SEZ6: variants seen among roughly 807,000 people sequenced by gnomAD.
The protein encoded by SEZ6 is seizure related 6 homolog.
SEZ6 carries 53 observed loss-of-function variants against 101.0 expected under a neutral mutation model. The ratio of observed to expected loss-of-function variants is 0.52; its 90% CI spans 0.42 to 0.66. The LOEUF is 0.66. Ranked by LOEUF, SEZ6 falls within the 30% of genes least tolerant of loss-of-function variation. SEZ6 has a pLI of 0.00. For missense variants in SEZ6, 1,102 were observed against 1,289.4 expected (o/e 0.85, Z 2.23); for synonymous variants, 488 against 512.2 (o/e 0.95, Z 0.64).
intron 1 of SEZ6, among the ~76,000 whole-genome samples, chr17:28,985,973 C>T (rs1445763636): frequency 6.6e-6 from 1 of 152,152 alleles, no homozygotes; most frequent in East Asian, 1.9e-4. Flanking sequence ...GGGCTGCATT[C>T]TCCGAGTGGG....
chr17:28,995,109 G>C (rs1315581925), intron 1 of SEZ6, among the ~76,000 whole-genome samples: 1 of 151,830 alleles, frequency 6.6e-6, no homozygotes, highest in African/African-American at 2.4e-5. Flanking sequence ...TCCTGACCTC[G>C]TGACCCACCC....
In SEZ6 at chr17:28,955,139, T is replaced by A. The variant is rs542900489; in HGVS notation, c.*823A>T. The A allele has an allele frequency of 8.9e-5, 14 of 157,624 alleles. No individual in the cohort carries two copies. The highest frequency in any genetic ancestry group is 3.1e-4 in the African/African-American group (13 of 41,524). 9.8% of individuals were successfully genotyped at this position (157,624 alleles called of 1,614,324 possible). Reference sequence around the variant, plus strand: ...TCCAGAATATGCCCACCCCCTCCCCTTATCCCATAACACAGTGGTCAAGAG... The same window carrying A: ...TCCAGAATATGCCCACCCCCTCCCCATATCCCATAACACAGTGGTCAAGAG... On this transcript the variant is annotated 3_prime_UTR_variant, in exon 17 of 17. Coordinates refer to ENST00000317338, the MANE Select transcript of SEZ6 (RefSeq NM_178860.5).
intron 3 of SEZ6, among the ~76,000 whole-genome samples, chr17:28,970,648 G>A (rs1046652859): frequency 3.9e-5 from 6 of 152,162 alleles, no homozygotes; most frequent in African/African-American, 1.2e-4. Context: ...GATCACCGCA[G>A]CAGCCTCCTG....
At chr17:28,962,565 G>T (rs1243421731) in intron 5 of SEZ6, among the ~76,000 whole-genome samples, 2 of 151,256 alleles carry the variant, frequency 1.3e-5, no homozygotes, top group African/African-American at 4.9e-5. Flanking sequence ...GATCACCTGA[G>T]GTCAAGAGTT....
intron 1 of SEZ6, among the ~76,000 whole-genome samples, chr17:28,988,149 G>A (rs572377275): frequency 4.6e-5 from 7 of 152,262 alleles, no homozygotes; most frequent in Admixed American, 2.0e-4. Flanking sequence ...TTGCTCACGC[G>A]ATTCTCTCTC....
chr17:28,969,807 T>C lies in SEZ6; in HGVS notation c.1004A>G (p.Gln335Arg). Residue 335 changes from glutamine (Q) to arginine (R), a missense_variant, in exon 4 of 17, where the codon CAG (glutamine) becomes CGG (arginine). Around this residue, in one of 3 missense-constraint regions of SEZ6, gnomAD observed 556 missense variants for 735.1 expected, o/e 0.76. Coordinates refer to ENST00000317338, the MANE Select transcript of SEZ6 (RefSeq NM_178860.5). ...AGGGCCAGCCGGTGGCGGGAGGCTC[T>C]GGAACCTCAGGGCCGCTTGGTGGGT... The part of the protein sequence containing the change: ...SPTHQAALRF[Q>R]SLPPPAGPGT... 3 of 1,516,618 alleles carry C rather than the reference T, an allele frequency of 2.0e-6. No individual in the cohort carries two copies. Among genetic ancestry groups the C allele is most frequent in the Non-Finnish European group, 2.6e-6 (3 of 1,143,318 alleles). The allele number at this position is 1,516,618 out of a possible 1,614,324, so 93.9% of individuals were successfully genotyped here. A position where few individuals can be genotyped will look rare whatever the true frequency, so the allele number is the denominator to read the frequency against.
In SEZ6 at chr17:29,005,433, T is replaced by A. The variant is rs1386128233; in HGVS notation, c.55+382A>T. On this transcript the variant is annotated intron_variant, in intron 1 of 16. Transcript: ENST00000317338. The surrounding 1 kb of genome is among the most constrained non-coding windows in gnomAD (Gnocchi z 4.8). ...GGACCACGGGCCGCCAGCTGGACCG[T>A]CCCGACTCACTGCCTTGCGCCCCCC... Among the ~76,000 whole-genome samples the A allele has an allele frequency of 6.6e-6, 1 of 152,074 alleles. No individual in the cohort carries two copies. Among genetic ancestry groups the A allele is most frequent in the African/African-American group, 2.4e-5 (1 of 41,434 alleles).
chr17:28,968,893 G>A (rs1777427638), intron 4 of SEZ6, among the ~76,000 whole-genome samples: 1 of 152,178 alleles, frequency 6.6e-6, no homozygotes, highest in African/African-American at 2.4e-5. Flanking sequence ...AGAGGGGGAT[G>A]GGTAGGAGGG....
At chr17:29,002,392 C>G (rs961338708) in intron 1 of SEZ6, among the ~76,000 whole-genome samples, 1 of 152,184 alleles carries the variant, frequency 6.6e-6, no homozygotes, top group Non-Finnish European at 1.5e-5. Flanking sequence ...CCTTGCTCTC[C>G]ATTAGTGCCC....
chr17:28,959,650 A>G lies in SEZ6; in HGVS notation c.1771+48T>C. The G allele has an allele frequency of 4.5e-6, 7 of 1,547,642 alleles. No individual in the cohort carries two copies. The highest frequency in any genetic ancestry group is 6.1e-6 in the Non-Finnish European group (7 of 1,147,110). Reference sequence around the variant, plus strand: ...CGGGCTCTGCTGCTATTCTCCTGGTATGACCCTGCCTTTTGCCCGGTAGGC... The same window carrying G: ...CGGGCTCTGCTGCTATTCTCCTGGTGTGACCCTGCCTTTTGCCCGGTAGGC... On this transcript the variant is annotated intron_variant, in intron 8 of 16. Coordinates refer to ENST00000317338, the MANE Select transcript of SEZ6 (RefSeq NM_178860.5). The surrounding 1 kb of genome is among the most constrained non-coding windows in gnomAD (Gnocchi z 4.4).
chr17:28,963,995 G>C lies in SEZ6; in HGVS notation c.1207C>G (p.Pro403Ala), dbSNP rs1341813903. 6.2e-7 allele frequency: 1 copy of C among 1,612,378 alleles called. No individual in the cohort carries two copies. Residue 403 changes from proline to alanine, a missense_variant, in exon 5 of 17, where the codon CCC becomes GCC. By Grantham distance (27) the Pro-to-Ala change is conservative. Coordinates refer to ENST00000317338, the MANE Select transcript of SEZ6 (RefSeq NM_178860.5). ...RHLTCLNATQ[P>A]FWDSKEPVCI... The stretch of plus-strand genomic sequence containing the variant: ...ACGGGCTCCTTTGAATCCCAGAAGG[G>C]CTGGGTGGCATTGAGACAGGTGAGA...
intron 3 of SEZ6, among the ~76,000 whole-genome samples, chr17:28,973,144 C>T (rs987447820): frequency 1.3e-5 from 2 of 152,078 alleles, no homozygotes; most frequent in Non-Finnish European, 2.9e-5. Flanking sequence ...TTCATCCTCA[C>T]CGTGAATCTA....
At position 28,955,528 on chromosome 17, in the gene SEZ6, T is replaced by G. The variant is rs2152682373; in HGVS notation, c.*434A>C. 2.4e-6 allele frequency: 1 copy of G among 422,576 alleles called. No homozygotes were observed. The highest frequency in any genetic ancestry group is 2.0e-5 in the African/African-American group (1 of 49,786). The allele number at this position is 422,576 out of a possible 1,614,324, so 26.2% of individuals were successfully genotyped here. ...GTTTTGGCCATTGGTGATGGCGCTG[T>G]GAGGAGTACCCTGGTGCAGTTCCCA... On this transcript the variant is annotated 3_prime_UTR_variant, in exon 17 of 17. Transcript: ENST00000317338.
In SEZ6 at chr17:29,005,854, G is replaced by A. The variant is rs1477338395; in HGVS notation, c.16C>T (p.Leu6=). The A allele has an allele frequency of 6.8e-7, 1 of 1,479,356 alleles. No homozygotes were observed. The highest frequency in any genetic ancestry group is 2.2e-5 in the Admixed American group (1 of 46,474). The allele number at this position is 1,479,356 out of a possible 1,614,324, so 91.6% of individuals were successfully genotyped here. A position where few individuals can be genotyped will look rare whatever the true frequency, so the allele number is the denominator to read the frequency against. Residue 6 remains leucine, a synonymous_variant, in exon 1 of 17, where the codon CTG becomes TTG. Transcript: ENST00000317338. The surrounding 1 kb of genome is among the most constrained non-coding windows in gnomAD (Gnocchi z 4.8). MRPVA[L]LLLPSLLALL... ...GCCAGCAGCGAGGGCAGGAGCAGCA[G>A]GGCTACCGGGCGCATGGTGCTGGTT...
At chr17:28,975,927 G>C (rs1164304322) in intron 3 of SEZ6, among the ~76,000 whole-genome samples, 1 of 152,238 alleles carries the variant, frequency 6.6e-6, no homozygotes, top group East Asian at 1.9e-4. Flanking sequence ...AGAGAGGCAG[G>C]CGCCAGGCCC....
chr17:28,956,529 C>T, intron 14 of SEZ6, 62 bp from the exon 15 acceptor site: 1 of 1,516,130 alleles, frequency 6.6e-7, no homozygotes, highest in Non-Finnish European at 8.9e-7. Flanking sequence ...CATATTCTCT[C>T]ACCTCTGCCC....
In SEZ6 at chr17:28,958,111, A is replaced by G; in HGVS notation, c.2138T>C (p.Leu713Pro). The G allele has an allele frequency of 1.2e-6, 2 of 1,602,454 alleles. No homozygotes were observed. The highest frequency in any genetic ancestry group is 1.7e-6 in the Non-Finnish European group (2 of 1,170,284). The change falls in exon 11 of 17, where the codon CTG becomes CCG. Residue 713 changes from leucine (L) to proline (P), a missense_variant. This residue lies in a region of SEZ6 where 556 missense variants were observed against 735.1 expected (regional missense o/e 0.76). Transcript: ENST00000317338. The stretch of plus-strand genomic sequence containing the variant: ...CTTCCAGCCATTGGGGATCTCAGGC[A>G]GCTCCGGACATGTGTCATTGCGGGG... ...EVPRNDTCPE[L>P]PEIPNGWKSP...
At position 29,005,891 on chromosome 17, in the gene SEZ6, CT is replaced by C; in HGVS notation, c.-23del. 6.9e-7 allele frequency: 1 copy of C among 1,439,252 alleles called. No individual in the cohort carries two copies. Among genetic ancestry groups the C allele is most frequent in the Non-Finnish European group, 9.1e-7 (1 of 1,093,396 alleles). The allele number at this position is 1,439,252 out of a possible 1,614,324, so 89.2% of individuals were successfully genotyped here. ...GCATGGTGCTGGTTGCGGCCGCGCC[CT>C]GGGCTGGGACCGCGGCGGGAGGGCG... On this transcript the variant is annotated 5_prime_UTR_variant, in exon 1 of 17. Coordinates refer to ENST00000317338, the MANE Select transcript of SEZ6 (RefSeq NM_178860.5). The surrounding 1 kb of genome is among the most constrained non-coding windows in gnomAD (Gnocchi z 4.8).
At chr17:28,971,975 A>C (rs945198328) in intron 3 of SEZ6, among the ~76,000 whole-genome samples, 1 of 152,252 alleles carries the variant, frequency 6.6e-6, no homozygotes, top group South Asian at 2.1e-4. Flanking sequence ...CAAACTGCCC[A>C]GCTCACATTT....
Sources: allele counts gnomAD v4.1 joint callset (sites outside exome capture counted in the v4.1 genomes callset), GRCh38; gene constraint gnomAD v4.1.1; regional missense constraint gnomAD v4.1.1; non-coding constraint Gnocchi (gnomAD v3.1); transcripts MANE v1.5; gene names NCBI Gene and HGNC (gene_info 2026-07-23, HGNC 2026-07-21).